The following RIMS1 variants were observed in gnomAD, a reference collection of about 807,000 sequenced individuals.
RIMS1 encodes the protein regulating synaptic membrane exocytosis protein 1.
In RIMS1, 83 loss-of-function variants were observed where a neutral mutation model predicts 214.1. The observed-to-expected ratio is 0.39, with a 90% CI of 0.32 to 0.47. RIMS1 has a LOEUF of 0.47. Ranked by LOEUF, RIMS1 falls within the 20% of genes least tolerant of loss-of-function variation. The probability of loss-of-function intolerance (pLI) is 0.99; values close to 1 mark genes in which losing one functional copy is unlikely to be tolerated. For missense variants in RIMS1, 2,050 were observed against 2,161.8 expected, an observed-to-expected ratio of 0.95 and a Z score of 1.03; for synonymous variants, 793 against 786.8, an observed-to-expected ratio of 1.01 and a Z score of -0.13.
intron 2 of RIMS1, among the ~76,000 whole-genome samples, chr6:71,987,099 T>C (rs180912822): frequency 6.8e-4 from 104 of 152,296 alleles, no homozygotes; most frequent in African/African-American, 2.4e-3. Context: ...ATTTTATATA[T>C]GGTAGAGGTG....
At chr6:72,195,078 G>A (rs1052300511) in intron 6 of RIMS1, among the ~76,000 whole-genome samples, 9 of 152,134 alleles carry the variant, frequency 5.9e-5, no homozygotes, top group African/African-American at 1.7e-4. Context: ...AGAGGCCTAA[G>A]AGTAAACAGT....
chr6:71,960,220 C>T (rs1192289290), intron 1 of RIMS1, among the ~76,000 whole-genome samples: 2 of 152,112 alleles, frequency 1.3e-5, no homozygotes, highest in African/African-American at 4.8e-5. Flanking sequence ...TCACCTCTCT[C>T]TCAATGAAGT....
chr6:72,222,277 GAT>G (rs2058704132), intron 6 of RIMS1, among the ~76,000 whole-genome samples: 2 of 151,958 alleles, frequency 1.3e-5, no homozygotes, highest in Admixed American at 1.3e-4. Context: ...TCTCTAAAAA[GAT>G]AGTTTTGTTC....
intron 4 of RIMS1, 74 bp downstream of exon 4, chr6:72,100,060 T>G (rs2033149682): frequency 8.8e-7 from 1 of 1,140,074 alleles, no homozygotes; most frequent in Non-Finnish European, 1.3e-6. Context: ...ATGTTGCACC[T>G]AGTATTGTTA....
intron 28 of RIMS1, chr6:72,317,231 C>T (rs2095853516): frequency 3.4e-6 from 1 of 297,110 alleles, no homozygotes. Flanking sequence ...GGACTGGGAG[C>T]ATCTCGCAGC....
At chr6:72,292,140 A>C in intron 26 of RIMS1, 94 bp downstream of exon 26, 2 of 782,384 alleles carry the variant, frequency 2.6e-6, no homozygotes, top group South Asian at 4.3e-5. Flanking sequence ...TATTTTGATT[A>C]TATGTAGTTT....
At chr6:72,129,661 G>A (rs1189425379) in intron 4 of RIMS1, among the ~76,000 whole-genome samples, 1 of 151,914 alleles carries the variant, frequency 6.6e-6, no homozygotes, top group Non-Finnish European at 1.5e-5. Context: ...AATCAGTACT[G>A]CTCATTTAAT....
chr6:72,026,316 C>T (rs1343931566), intron 2 of RIMS1, among the ~76,000 whole-genome samples: 1 of 152,002 alleles, frequency 6.6e-6, no homozygotes, highest in Admixed American at 6.6e-5. Context: ...AGCTGGTGGC[C>T]TATAGTATAT....
Position 72,126,904 on chromosome 6 carries a change from A to G in RIMS1, c.471+26918A>G, listed in dbSNP as rs117648970. 7.7e-3 allele frequency among the ~76,000 whole-genome samples: 1,180 copies of G among 152,298 alleles called. 8 individuals carry two copies. Among genetic ancestry groups the G allele is most frequent in the East Asian group, 0.032 (165 of 5,190 alleles). Reference sequence around the variant, plus strand: ...AAACAACTAAAAGTTGAAGTGCCATATGATTCAGCAATCCCACTACTGGGT... The same window carrying G: ...AAACAACTAAAAGTTGAAGTGCCATGTGATTCAGCAATCCCACTACTGGGT... On this transcript the variant is annotated intron_variant, in intron 4 of 33. Coordinates refer to ENST00000521978, the MANE Select transcript of RIMS1 (RefSeq NM_014989.7).
chr6:72,181,951 A>G (rs908977720), intron 5 of RIMS1, among the ~76,000 whole-genome samples: 1 of 152,174 alleles, frequency 6.6e-6, no homozygotes, highest in African/African-American at 2.4e-5. Flanking sequence ...CCTCACATGA[A>G]CCTTGCAAGG....
intron 1 of RIMS1, among the ~76,000 whole-genome samples, chr6:71,937,067 G>A (rs1562232824): frequency 1.3e-5 from 2 of 152,202 alleles, no homozygotes; most frequent in Admixed American, 6.5e-5. Context: ...TTTAGCCAGT[G>A]TAACTATTGG....
chr6:72,161,790 G>A (rs572916956), intron 4 of RIMS1, among the ~76,000 whole-genome samples: 3 of 140,618 alleles, frequency 2.1e-5, no homozygotes, highest in African/African-American at 7.4e-5. Flanking sequence ...CATTTGCTGA[G>A]GAGAGCTTTA....
At chr6:72,320,136 C>T (rs1468974668) in intron 28 of RIMS1, among the ~76,000 whole-genome samples, 2 of 152,082 alleles carry the variant, frequency 1.3e-5, no homozygotes, top group Non-Finnish European at 2.9e-5. Context: ...ATGAATTTAA[C>T]AGTTGGATTT....
intron 2 of RIMS1, among the ~76,000 whole-genome samples, chr6:72,001,570 G>T (rs139147602): frequency 4.6e-5 from 7 of 152,014 alleles, no homozygotes; most frequent in Non-Finnish European, 7.4e-5. Context: ...TAATGTGATC[G>T]TATTATATAA....
chr6:72,361,631 C>T (rs747516583), intron 29 of RIMS1, among the ~76,000 whole-genome samples: 3 of 152,148 alleles, frequency 2.0e-5, no homozygotes, highest in Non-Finnish European at 4.4e-5. Context: ...ATAAATACCG[C>T]GATTGCTTTT....
At chr6:72,223,722 T>C (rs2059263785) in intron 6 of RIMS1, among the ~76,000 whole-genome samples, 1 of 151,722 alleles carries the variant, frequency 6.6e-6, no homozygotes, top group Non-Finnish European at 1.5e-5. Flanking sequence ...CTGAGGTGGG[T>C]GGATCACGAG....
At chr6:72,284,920 C>G (rs17727925) in intron 24 of RIMS1, among the ~76,000 whole-genome samples, 30,664 of 152,032 alleles carry the variant, frequency 0.2, 3,903 homozygotes, top group Non-Finnish European at 0.28. Context: ...ACAGATGTCC[C>G]TTGAGCTAAA....
intron 6 of RIMS1, among the ~76,000 whole-genome samples, chr6:72,227,031 A>G (rs1470746137): frequency 3.3e-5 from 5 of 152,072 alleles, no homozygotes; most frequent in Non-Finnish European, 5.9e-5. Context: ...TATCAAGAGA[A>G]TGCACCTAAT....
At chr6:72,301,700 A>C (rs2094622298) in intron 26 of RIMS1, among the ~76,000 whole-genome samples, 1 of 151,626 alleles carries the variant, frequency 6.6e-6, no homozygotes, top group Non-Finnish European at 1.5e-5. Context: ...TAGCTCTTAT[A>C]AGTAACCTAG....
Sources: allele counts gnomAD v4.1 joint callset (sites outside exome capture counted in the v4.1 genomes callset), GRCh38; gene constraint gnomAD v4.1.1; transcripts MANE v1.5; gene names NCBI Gene and HGNC (gene_info 2026-07-23, HGNC 2026-07-21).